The following CDK5RAP1 variants were observed in gnomAD, a reference collection of about 807,000 sequenced individuals.
CDK5RAP1 encodes mitochondrial tRNA methylthiotransferase CDK5RAP1.
Under a neutral mutation model 64.5 loss-of-function variants are expected in CDK5RAP1, and 62 were observed. That is an observed-to-expected ratio of 0.96 (90% CI 0.78 to 1.19). The LOEUF (loss-of-function observed/expected upper bound fraction) is 1.19. Among genes scored for constraint, CDK5RAP1 ranks in the 50% most tolerant of loss-of-function variants. The probability of loss-of-function intolerance (pLI) is 0.00; values close to 1 mark genes in which losing one functional copy is unlikely to be tolerated. For synonymous variants in CDK5RAP1, 250 were observed against 261.9 expected, an observed-to-expected ratio of 0.95 and a Z score of 0.44; for missense variants, 657 against 735.0, an observed-to-expected ratio of 0.89 and a Z score of 1.23.
In CDK5RAP1 at chr20:33,374,086, G is replaced by C. The variant is rs756447829; in HGVS notation, c.1205+29C>G. On this transcript the variant is annotated intron_variant, in intron 9 of 13. Coordinates refer to ENST00000346416, the MANE Select transcript of CDK5RAP1 (RefSeq NM_016408.4). Reference sequence around the variant, plus strand: ...TCATTAAGGAAACATGGAAAAGTGAGGGATGCCCCCTCTCCAAGCAAGCCT... The same window carrying C: ...TCATTAAGGAAACATGGAAAAGTGACGGATGCCCCCTCTCCAAGCAAGCCT... 3.4e-6 allele frequency: 5 copies of C among 1,474,190 alleles called. No homozygotes were observed. In the Admixed American group the frequency reaches 8.4e-5, roughly 25 times the overall value. The allele number at this position is 1,474,190 out of a possible 1,614,324, so 91.3% of individuals were successfully genotyped here.
intron 12 of CDK5RAP1, 91 bp downstream of exon 12, chr20:33,366,754 CCCAGCAGTTTGAGT>C: frequency 9.4e-7 from 1 of 1,061,958 alleles, no homozygotes; most frequent in Non-Finnish European, 1.3e-6. Context: ...ATCACTTGAG[CCCAGCAGTTTGAGT>C]CCAGCCTAGG....
intron 7 of CDK5RAP1, among the ~76,000 whole-genome samples, chr20:33,383,859 C>T (rs1215620065): frequency 6.6e-6 from 1 of 151,136 alleles, no homozygotes; most frequent in African/African-American, 2.4e-5. Context: ...CTGCAGTGAG[C>T]CGAGATCATA....
chr20:33,389,590 G>A (rs979896426), intron 5 of CDK5RAP1, among the ~76,000 whole-genome samples: 2 of 151,138 alleles, frequency 1.3e-5, no homozygotes, highest in Non-Finnish European at 3.0e-5. Flanking sequence ...GGGAGTAGGG[G>A]GCAGCCCCCG....
At chr20:33,385,810 G>A in intron 6 of CDK5RAP1, 40 bp from the exon 7 acceptor site, 5 of 1,589,080 alleles carry the variant, frequency 3.1e-6, no homozygotes, top group Non-Finnish European at 4.3e-6. Context: ...CAGTAGCAGG[G>A]TGTGCTGGTA....
chr20:33,387,195 G>A, intron 6 of CDK5RAP1, 128 bp downstream of exon 6: 1 of 679,828 alleles, frequency 1.5e-6, no homozygotes, highest in Non-Finnish European at 2.5e-6. Context: ...GGTCAAGGCT[G>A]CAGTGAGCCC....
intron 5 of CDK5RAP1, among the ~76,000 whole-genome samples, chr20:33,389,833 T>C (rs1988089955): frequency 6.6e-6 from 1 of 151,944 alleles, no homozygotes; most frequent in African/African-American, 2.4e-5. Context: ...GAAGTAGACA[T>C]AGGAGACTCC....
At chr20:33,388,142 ATTAC>A (rs1432958531) in intron 5 of CDK5RAP1, among the ~76,000 whole-genome samples, 1 of 152,064 alleles carries the variant, frequency 6.6e-6, no homozygotes, top group Non-Finnish European at 1.5e-5. Context: ...TCAACTGAAA[ATTAC>A]TTAGTGCTGA....
chr20:33,392,287 A>G, intron 4 of CDK5RAP1, 45 bp from the exon 5 acceptor site: 1 of 1,222,292 alleles, frequency 8.2e-7, no homozygotes, highest in Non-Finnish European at 1.2e-6. Context: ...AATAAACCAC[A>G]GAGGTATCTA....
chr20:33,376,896 A>C (rs1986066080), intron 8 of CDK5RAP1, among the ~76,000 whole-genome samples: 1 of 152,170 alleles, frequency 6.6e-6, no homozygotes, highest in African/African-American at 2.4e-5. Flanking sequence ...TACTGATTTC[A>C]ACATTCATGG....
intron 8 of CDK5RAP1, among the ~76,000 whole-genome samples, chr20:33,376,669 ATTATT>A (rs1986034579): frequency 6.6e-6 from 1 of 152,172 alleles, no homozygotes; most frequent in Non-Finnish European, 1.5e-5. Flanking sequence ...TTCAAGCCCT[ATTATT>A]TTAATTTTTA....
intron 7 of CDK5RAP1, 38 bp downstream of exon 7, chr20:33,385,612 A>C: frequency 6.2e-7 from 1 of 1,610,986 alleles, no homozygotes; most frequent in Non-Finnish European, 8.5e-7. Flanking sequence ...TCCTCCCCCA[A>C]ACATGTTCAC....
In CDK5RAP1 at chr20:33,379,615, G is replaced by A; in HGVS notation, c.953C>T (p.Ala318Val). 6.2e-7 allele frequency: 1 copy of A among 1,614,042 alleles called. No homozygotes were observed. The highest frequency in any genetic ancestry group is 8.5e-7 in the Non-Finnish European group (1 of 1,179,936). ...RDNSEVQFNS[A>V]VPTNLSRGFT... ...GCCACGACTGAGATTGGTAGGCACT[G>A]CACTGTTGAACTGGACCTCCGAATT... Residue 318 changes from alanine to valine, a missense_variant, in exon 8 of 14, where the codon GCA (alanine) becomes GTA (valine). Coordinates refer to ENST00000346416, the MANE Select transcript of CDK5RAP1 (RefSeq NM_016408.4).
chr20:33,383,888 A>T (rs1987086548), intron 7 of CDK5RAP1, among the ~76,000 whole-genome samples: 1 of 152,042 alleles, frequency 6.6e-6, no homozygotes, highest in African/African-American at 2.4e-5. Flanking sequence ...CTCCAGCCAA[A>T]AAAAAATAAA....
chr20:33,363,460 A>T (rs1292929226), intron 12 of CDK5RAP1, among the ~76,000 whole-genome samples: 1 of 152,216 alleles, frequency 6.6e-6, no homozygotes, highest in Admixed American at 6.5e-5. Context: ...TTTGTACAAG[A>T]TACACATTAC....
At chr20:33,393,950 A>G (rs1167004928) in intron 4 of CDK5RAP1, 82 bp downstream of exon 4, 1 of 1,000,686 alleles carries the variant, frequency 1.0e-6, no homozygotes, top group Non-Finnish European at 1.6e-6. Context: ...GCTCATCTCC[A>G]TAGACAGCCA....
chr20:33,370,402 T>G (rs760880022), intron 11 of CDK5RAP1, 97 bp downstream of exon 11: 1 of 1,294,916 alleles, frequency 7.7e-7, no homozygotes, highest in Admixed American at 2.1e-5. Context: ...TCTCAAGGAC[T>G]GCCTTGCCGC....
At chr20:33,367,084 C>G (rs291674) in intron 11 of CDK5RAP1, 76 bp from the exon 12 acceptor site, 949,436 of 1,401,692 alleles carry the variant, frequency 0.68, 322,140 homozygotes, top group Admixed American at 0.77. Flanking sequence ...GCACAGAGGG[C>G]GACCATGTTC....
In CDK5RAP1 at chr20:33,393,288, A is replaced by G. The variant is rs76705465; in HGVS notation, c.443+744T>C. ...ACTCCTGGACTCAAGTGATCCTCCC[A>G]CCTCGGACTCCAAGAGTGCTGGGAT... is the stretch of plus-strand genomic sequence containing the variant. On this transcript the variant is annotated intron_variant, in intron 4 of 13. Transcript: ENST00000346416. Among the ~76,000 whole-genome samples the G allele has an allele frequency of 4.3e-3, 656 of 151,992 alleles. 3 individuals are homozygous for G. The highest frequency in any genetic ancestry group is 7.5e-3 in the Non-Finnish European group (511 of 67,986).
intron 11 of CDK5RAP1, among the ~76,000 whole-genome samples, chr20:33,368,423 G>A (rs1238213228): frequency 6.8e-6 from 1 of 146,314 alleles, no homozygotes; most frequent in Non-Finnish European, 1.5e-5. Context: ...CTCCCAAATA[G>A]CTGGGATCAC....
Sources: gnomAD v4.1 joint callset for allele counts (sites outside exome capture counted in the v4.1 genomes callset) on GRCh38, gnomAD v4.1.1 for gene constraint, MANE v1.5 for transcripts, NCBI Gene and HGNC (gene_info 2026-07-23, HGNC 2026-07-21) for gene names.